Variants in TANC2 observed in about 807,000 individuals in gnomAD.
The protein encoded by TANC2 is tetratricopeptide repeat, ankyrin repeat and coiled-coil containing 2.
Under a neutral mutation model 210.5 loss-of-function variants are expected in TANC2, and 26 were observed. The ratio of observed to expected loss-of-function variants is 0.12; its 90% CI spans 0.09 to 0.17. The LOEUF is 0.17. Among genes scored for constraint, TANC2 ranks in the 10% least tolerant of loss-of-function variants. The probability of loss-of-function intolerance (pLI) is 1.00; values close to 1 mark genes in which losing one functional copy is unlikely to be tolerated. For synonymous variants in TANC2, 931 were observed against 967.1 expected (o/e 0.96, Z 0.69); for missense variants, 2,129 against 2,608.9 (o/e 0.82, Z 4.01).
intron 21 of TANC2, among the ~76,000 whole-genome samples, chr17:63,409,625 C>A (rs934548571): frequency 3.9e-5 from 6 of 152,132 alleles, no homozygotes; most frequent in African/African-American, 1.4e-4. Context: ...TCATAGAGTG[C>A]ACTTACACAA....
At chr17:63,081,004 T>G (rs955093680) in intron 3 of TANC2, among the ~76,000 whole-genome samples, 6 of 152,208 alleles carry the variant, frequency 3.9e-5, no homozygotes, top group African/African-American at 7.2e-5. Flanking sequence ...CAAATCAGTA[T>G]TGTTGGTAGC....
chr17:63,159,077 G>A (rs879601115), intron 5 of TANC2, among the ~76,000 whole-genome samples: 3 of 152,164 alleles, frequency 2.0e-5, no homozygotes, highest in Non-Finnish European at 4.4e-5. Context: ...AAGGGTACCA[G>A]CAAGACAGTG....
chr17:63,090,603 A>G (rs957272243), intron 3 of TANC2, among the ~76,000 whole-genome samples: 4 of 152,166 alleles, frequency 2.6e-5, no homozygotes, highest in Non-Finnish European at 5.9e-5. Context: ...AATCCAGTCT[A>G]TCATTGATGG....
intron 4 of TANC2, among the ~76,000 whole-genome samples, chr17:63,104,353 A>C (rs187173101): frequency 5.8e-4 from 88 of 152,220 alleles, no homozygotes; most frequent in African/African-American, 2.0e-3. Context: ...ACTCTTACGG[A>C]ATTTATATTA....
chr17:63,092,010 G>C (rs1189412211), intron 3 of TANC2, among the ~76,000 whole-genome samples: 1 of 143,232 alleles, frequency 7.0e-6, no homozygotes, highest in Non-Finnish European at 1.6e-5. Context: ...TTGGCTCTCT[G>C]TTTGTCTGTT....
chr17:63,215,773 G>A lies in TANC2; in HGVS notation c.769+14816G>A, dbSNP rs188897108. Among the ~76,000 whole-genome samples, 282 of 150,800 alleles carry A rather than the reference G, an allele frequency of 1.9e-3. 1 individual carries two copies. Among genetic ancestry groups the A allele is most frequent in the African/African-American group, 6.6e-3 (271 of 41,098 alleles). On this transcript the variant is annotated intron_variant, in intron 7 of 27. Coordinates refer to ENST00000689528, the Ensembl canonical transcript of TANC2. Reference sequence around the variant, plus strand: ...TATTATTATTTTTTTTTTCTGAGACGGAGTCTCACTCTGTTGCCCAGGCTG... The same window carrying A: ...TATTATTATTTTTTTTTTCTGAGACAGAGTCTCACTCTGTTGCCCAGGCTG...
chr17:63,403,229 G>A (rs2048395915), intron 19 of TANC2, among the ~76,000 whole-genome samples: 3 of 152,168 alleles, frequency 2.0e-5, no homozygotes, highest in Non-Finnish European at 4.4e-5. Context: ...CTGAAATTCT[G>A]TATTTTCTCT....
At chr17:63,407,603 A>T (rs983331581) in intron 21 of TANC2, among the ~76,000 whole-genome samples, 1 of 152,190 alleles carries the variant, frequency 6.6e-6, no homozygotes, top group African/African-American at 2.4e-5. Context: ...TTCAACAAAG[A>T]TTTATTTAGG....
chr17:63,366,635 G>A (rs1041293459), intron 14 of TANC2, among the ~76,000 whole-genome samples: 4 of 152,196 alleles, frequency 2.6e-5, no homozygotes, highest in African/African-American at 9.7e-5. Flanking sequence ...GGCAAAGTGG[G>A]AGAAAGCAGC....
intron 12 of TANC2, among the ~76,000 whole-genome samples, chr17:63,341,185 T>C (rs2046217998): frequency 6.6e-6 from 1 of 152,250 alleles, no homozygotes; most frequent in Non-Finnish European, 1.5e-5. Flanking sequence ...TAATTTCTCC[T>C]GGCCATCATC....
At chr17:63,065,420 T>C (rs2036160532) in intron 2 of TANC2, among the ~76,000 whole-genome samples, 1 of 152,232 alleles carries the variant, frequency 6.6e-6, no homozygotes, top group South Asian at 2.1e-4. Context: ...CCTTCAGATA[T>C]ATACCCAAAA....
chr17:63,267,339 G>A (rs985522669), intron 8 of TANC2, among the ~76,000 whole-genome samples: 7 of 152,054 alleles, frequency 4.6e-5, no homozygotes, highest in Non-Finnish European at 1.0e-4. Flanking sequence ...AGGCAAGATG[G>A]CATTTTAAGC....
exon 28 of TANC2, chr17:63,422,368 G>C: frequency 5.3e-6 from 1 of 188,814 alleles, no homozygotes; most frequent in Non-Finnish European, 1.1e-5. Context: ...TTTAGAAAGA[G>C]TGCGATGCCC....
At chr17:63,052,743 T>G (rs930320173) in intron 2 of TANC2, among the ~76,000 whole-genome samples, 2 of 152,170 alleles carry the variant, frequency 1.3e-5, no homozygotes, top group African/African-American at 2.4e-5. Context: ...CAGAATTTCT[T>G]TCTAATCACT....
At chr17:63,257,140 ACGTTCAAGGT>A (rs2043219265) in intron 8 of TANC2, among the ~76,000 whole-genome samples, 1 of 141,924 alleles carries the variant, frequency 7.0e-6, no homozygotes, top group African/African-American at 2.7e-5. Flanking sequence ...TATTCCATTT[ACGTTCAAGGT>A]TGTTATTGAT....
rs2036220530 is a variant in TANC2 at position 63,066,926 on chromosome 17, T to C, written c.68-7017T>C. On this transcript the variant is annotated intron_variant, in intron 2 of 27. Transcript: ENST00000689528. ...CACCTCAAAGTCAACCCCATTAAGT[T>C]TTTATGAGCTCCTGGAGTCACCCCT... 2.0e-5 allele frequency among the ~76,000 whole-genome samples: 3 copies of C among 152,156 alleles called. No homozygotes were observed. In the South Asian group the frequency reaches 6.2e-4, roughly 32 times the overall value.
chr17:63,012,840 G>A (rs534103832), intron 2 of TANC2, among the ~76,000 whole-genome samples: 3 of 152,080 alleles, frequency 2.0e-5, no homozygotes, highest in South Asian at 2.1e-4. Context: ...TTTTTGTAGA[G>A]ATGAGATCTC....
chr17:63,220,870 G>A (rs947362795), intron 7 of TANC2, among the ~76,000 whole-genome samples: 4 of 149,982 alleles, frequency 2.7e-5, no homozygotes, highest in Admixed American at 6.6e-5. Context: ...ATATATGTAC[G>A]TATACATCAG....
At chr17:63,117,852 A>C (rs1476421831) in intron 4 of TANC2, among the ~76,000 whole-genome samples, 1 of 152,248 alleles carries the variant, frequency 6.6e-6, no homozygotes, top group Non-Finnish European at 1.5e-5. Context: ...AACACAGCCT[A>C]AGATAATTTG....
Sources: gnomAD v4.1 joint callset for allele counts (sites outside exome capture counted in the v4.1 genomes callset) on GRCh38, gnomAD v4.1.1 for gene constraint, MANE v1.5 for transcripts, NCBI Gene and HGNC (gene_info 2026-07-23, HGNC 2026-07-21) for gene names.